FHL2: variants seen among roughly 807,000 people sequenced by gnomAD.
FHL2 encodes four and a half LIM domains protein 2.
A neutral mutation model predicts 32.7 loss-of-function variants in FHL2; 20 were observed. The ratio of observed to expected loss-of-function variants is 0.61; its 90% CI spans 0.43 to 0.89. FHL2 has a LOEUF of 0.89. Ranked by LOEUF, FHL2 falls within the 40% of genes least tolerant of loss-of-function variation. The pLI, the probability that FHL2 is intolerant of heterozygous loss-of-function variation, is 0.00. For missense variants in FHL2, 311 were observed against 358.6 expected, an observed-to-expected ratio of 0.87 and a Z score of 1.07; for synonymous variants, 123 against 128.1, an observed-to-expected ratio of 0.96 and a Z score of 0.27.
chr2:105,399,187 CCCCCG>C (rs1683362493), upstream of FHL2: 1 of 1,417,954 alleles, frequency 7.1e-7, no homozygotes, highest in Non-Finnish European at 9.1e-7. Flanking sequence ...GGTTGCCGTG[CCCCCG>C]CCCCGGGCTG....
chr2:105,401,001 G>C (rs1683446739), upstream of FHL2, among the ~76,000 whole-genome samples: 1 of 149,524 alleles, frequency 6.7e-6, no homozygotes, highest in Admixed American at 6.6e-5. Context: ...AAGAGAGATG[G>C]AGACAGAACC....
At chr2:105,371,679 G>A (rs1122055) in intron 4 of FHL2, among the ~76,000 whole-genome samples, 2 of 152,182 alleles carry the variant, frequency 1.3e-5, no homozygotes. Flanking sequence ...TTCAAAATCC[G>A]GGAAATATGC....
At chr2:105,366,677 C>CT (rs1228637059) in intron 5 of FHL2, among the ~76,000 whole-genome samples, 1 of 152,194 alleles carries the variant, frequency 6.6e-6, no homozygotes, top group East Asian at 1.9e-4. Flanking sequence ...ATGCAGTTCC[C>CT]TTTCTTTCTT....
chr2:105,423,962 A>G (rs1684182123), intron 1 of FHL2, among the ~76,000 whole-genome samples: 1 of 152,238 alleles, frequency 6.6e-6, no homozygotes. Flanking sequence ...GGACATAGGC[A>G]TGGGCAAAGA....
At chr2:105,399,520 A>G, upstream of FHL2, 3 of 1,536,132 alleles carry the variant, frequency 2.0e-6, no homozygotes, top group South Asian at 2.4e-5. Flanking sequence ...ATGCTTCTTT[A>G]CGAAATGAAC....
At chr2:105,421,977 G>A (rs1006570765) in intron 1 of FHL2, among the ~76,000 whole-genome samples, 3 of 152,174 alleles carry the variant, frequency 2.0e-5, no homozygotes, top group Non-Finnish European at 4.4e-5. Context: ...GTTCCCATCA[G>A]CTTTTTGCCC....
chr2:105,407,719 C>T (rs912204169), intron 1 of FHL2, among the ~76,000 whole-genome samples: 17 of 152,166 alleles, frequency 1.1e-4, no homozygotes, highest in African/African-American at 4.1e-4. Flanking sequence ...TGTGGACGTT[C>T]TTGGGATGGT....
intron 3 of FHL2, among the ~76,000 whole-genome samples, chr2:105,383,036 C>T (rs982696545): frequency 1.3e-5 from 2 of 152,172 alleles, no homozygotes; most frequent in African/African-American, 4.8e-5. Flanking sequence ...CAGGTGCACG[C>T]CACCACACCC....
intron 1 of FHL2, among the ~76,000 whole-genome samples, chr2:105,427,681 A>T (rs1264180721): frequency 6.6e-6 from 1 of 152,172 alleles, no homozygotes. Flanking sequence ...GAAAGGAATG[A>T]GAGTGTTTGA....
At chr2:105,378,434 G>A (rs1465479365) in intron 3 of FHL2, 1 of 296,862 alleles carries the variant, frequency 3.4e-6, no homozygotes, top group Non-Finnish European at 6.6e-6. Flanking sequence ...TATATCCCCT[G>A]GGAACCATTT....
intron 2 of FHL2, among the ~76,000 whole-genome samples, chr2:105,390,945 C>T (rs770777544): frequency 2.0e-5 from 3 of 151,790 alleles, no homozygotes; most frequent in South Asian, 4.2e-4. Context: ...TACGGGCACA[C>T]GCCACCACAC....
chr2:105,414,589 G>A (rs1411672161), intron 1 of FHL2, among the ~76,000 whole-genome samples: 1 of 152,216 alleles, frequency 6.6e-6, no homozygotes, highest in East Asian at 1.9e-4. Context: ...GTCTCGCTCT[G>A]TCGCCCAGGC....
rs530518744 is a variant in FHL2, at chr2:105,361,199, C to T, written c.*84G>A. On this transcript the variant is annotated 3_prime_UTR_variant, in exon 7 of 7. Coordinates refer to ENST00000530340, the MANE Select transcript of FHL2 (RefSeq NM_001318895.3). ...AAAGTCTCAATGTGGCTGGAAGAAA[C>T]CAGAAGGCAAGATTGCCTGGGTGAG... 4 of 1,434,224 alleles carry T rather than the reference C, an allele frequency of 2.8e-6. No individual in the cohort carries two copies. In the African/African-American group the frequency reaches 5.6e-5, roughly 20 times the overall value. 88.8% of individuals were successfully genotyped at this position (1,434,224 alleles called of 1,614,324 possible). A position where few individuals can be genotyped will look rare whatever the true frequency, so the allele number is the denominator to read the frequency against.
chr2:105,380,745 G>A (rs377191604), intron 3 of FHL2, among the ~76,000 whole-genome samples: 14 of 151,958 alleles, frequency 9.2e-5, no homozygotes, highest in African/African-American at 3.4e-4. Flanking sequence ...GAAATATCCG[G>A]TTTTAAATTC....
At chr2:105,432,257 T>C (rs1684458580) in intron 1 of FHL2, among the ~76,000 whole-genome samples, 1 of 152,210 alleles carries the variant, frequency 6.6e-6, no homozygotes, top group Admixed American at 6.5e-5. Flanking sequence ...CATTTTCAAT[T>C]TGCAGGAGTA....
intron 3 of FHL2, chr2:105,378,363 G>T: frequency 8.3e-6 from 3 of 361,494 alleles, no homozygotes; most frequent in Non-Finnish European, 1.6e-5. Flanking sequence ...CCCACACCCT[G>T]CTCTATCGGA....
At chr2:105,427,635 A>G (rs1402772973) in intron 1 of FHL2, among the ~76,000 whole-genome samples, 2 of 152,208 alleles carry the variant, frequency 1.3e-5, no homozygotes, top group Non-Finnish European at 2.9e-5. Context: ...GTCTGCCTCA[A>G]AAGAAACTTT....
At position 105,394,622 on chromosome 2, in the gene FHL2, AAAAG is replaced by A. The variant is rs1286294592; in HGVS notation, c.-25+2021_-25+2024del. ...GAAGGAAAGAAAGAAAGAAAGAGAA[AAAAG>A]AAAGAAAGAAAAAAAGTATCTAGCA... On this transcript the variant is annotated intron_variant, in intron 2 of 6. Coordinates refer to ENST00000530340, the MANE Select transcript of FHL2 (RefSeq NM_001318895.3). 3.9e-5 allele frequency among the ~76,000 whole-genome samples: 6 copies of A among 152,056 alleles called. No individual in the cohort carries two copies. The South Asian group carries it at 8.3e-4, about 21-fold the overall frequency.
intron 3 of FHL2, chr2:105,373,968 A>T (rs1681284933): frequency 3.6e-6 from 2 of 561,086 alleles, no homozygotes; most frequent in African/African-American, 3.8e-5. Flanking sequence ...GCATGTATGC[A>T]CATGTCTGTG....
Sources: gnomAD v4.1 joint callset for allele counts (sites outside exome capture counted in the v4.1 genomes callset) on GRCh38, gnomAD v4.1.1 for gene constraint, MANE v1.5 for transcripts, NCBI Gene and HGNC (gene_info 2026-07-23, HGNC 2026-07-21) for gene names.